Variants in PPP2R5C observed in about 807,000 individuals in gnomAD.
PPP2R5C encodes serine/threonine-protein phosphatase 2A 56 kDa regulatory subunit gamma isoform.
In PPP2R5C, 7 loss-of-function variants were observed where a neutral mutation model predicts 68.9. That is an observed-to-expected ratio of 0.10 (90% CI 0.06 to 0.19). The LOEUF is 0.19. PPP2R5C is among the 10% of genes least tolerant of loss of function. The pLI is 1.00. For synonymous variants in PPP2R5C, 210 were observed against 222.2 expected (o/e 0.95, Z 0.49); for missense variants, 348 against 641.3 (o/e 0.54, Z 4.94).
intron 1 of PPP2R5C, among the ~76,000 whole-genome samples, chr14:101,841,894 C>G (rs756400144): frequency 6.6e-6 from 1 of 152,186 alleles, no homozygotes; most frequent in Non-Finnish European, 1.5e-5. Flanking sequence ...AGCGCCTCCT[C>G]CTTCAGAGAC....
chr14:101,923,846 TA>T (rs2047142750), intron 13 of PPP2R5C, among the ~76,000 whole-genome samples: 1 of 117,996 alleles, frequency 8.5e-6, no homozygotes, highest in African/African-American at 4.0e-5. Context: ...AATTTTTCAT[TA>T]AAGCGAAGGA....
At chr14:101,885,407 T>C (rs1467211823) in intron 5 of PPP2R5C, among the ~76,000 whole-genome samples, 2 of 149,384 alleles carry the variant, frequency 1.3e-5, no homozygotes, top group South Asian at 2.1e-4. Context: ...GCCTCTCCCA[T>C]CCCGTGCCGG....
chr14:101,772,346 A>G (rs1414794527), intron 2 of PPP2R5C, among the ~76,000 whole-genome samples: 1 of 152,038 alleles, frequency 6.6e-6, no homozygotes, highest in African/African-American at 2.4e-5. Context: ...CCTGATACCC[A>G]CACGAGAAAG....
intron 2 of PPP2R5C, among the ~76,000 whole-genome samples, chr14:101,875,022 G>A (rs1303982581): frequency 1.3e-5 from 2 of 152,230 alleles, no homozygotes; most frequent in East Asian, 3.8e-4. Context: ...TTACAGGGGT[G>A]AGCCACCGCG....
intron 1 of PPP2R5C, chr14:101,819,588 T>A (rs2039923879): frequency 6.5e-6 from 1 of 153,222 alleles, no homozygotes; most frequent in South Asian, 2.0e-4. Flanking sequence ...TTTTTAGTTT[T>A]GTTTTTGTTT....
intron 3 of PPP2R5C, among the ~76,000 whole-genome samples, chr14:101,795,065 G>T (rs949142353): frequency 1.3e-5 from 2 of 152,232 alleles, no homozygotes; most frequent in Non-Finnish European, 2.9e-5. Context: ...TAGTGGGAAC[G>T]AGAGGCATGA....
chr14:101,896,636 CAAAA>C (rs34603513), intron 8 of PPP2R5C, among the ~76,000 whole-genome samples: 1 of 110,416 alleles, frequency 9.1e-6, no homozygotes, highest in Non-Finnish European at 1.8e-5. Context: ...ACCCTGTCTC[CAAAA>C]AAAAAAAAAA....
chr14:101,812,808 T>C (rs1356429184), intron 1 of PPP2R5C, among the ~76,000 whole-genome samples: 11 of 152,212 alleles, frequency 7.2e-5, no homozygotes, highest in Non-Finnish European at 1.5e-4. Context: ...TTACCATCCA[T>C]CAGGGTGGGG....
Position 101,906,532 on chromosome 14 carries a change from A to G in PPP2R5C, c.1151+3A>G. 6.3e-7 allele frequency: 1 copy of G among 1,597,270 alleles called. No homozygotes were observed. Among genetic ancestry groups the G allele is most frequent in the Non-Finnish European group, 8.5e-7 (1 of 1,175,030 alleles). On this transcript the variant is annotated splice_donor_region_variant and intron_variant, in intron 10 of 13. Coordinates refer to ENST00000334743, the Ensembl canonical transcript of PPP2R5C. The surrounding 1 kb of genome is among the most constrained non-coding windows in gnomAD (Gnocchi z 4.0). Reference sequence around the variant, plus strand: ...AACTCAAAGACCCATTGGAACAAGTAAGAAAGAACTGGCTGCCATCTTTTT... The same window carrying G: ...AACTCAAAGACCCATTGGAACAAGTGAGAAAGAACTGGCTGCCATCTTTTT...
rs536135891 is a variant in PPP2R5C at position 101,774,420 on chromosome 14, A to G, written c.93+11450A>G. ...TTCTGCAGAGAAGGTGTGTGGGGAT[A>G]AGGTGGCTATGGAGAGATCAGTATT... On this transcript the variant is annotated intron_variant, in intron 2 of 14. Coordinates refer to the PPP2R5C transcript ENST00000328724. Among the ~76,000 whole-genome samples, 3 of 152,300 alleles carry G rather than the reference A, an allele frequency of 2.0e-5. No homozygotes were observed. In the East Asian group the frequency reaches 5.8e-4, roughly 29 times the overall value.
In PPP2R5C at chr14:101,798,883, A is replaced by G. The variant is rs138037314; in HGVS notation, c.259+12700A>G. On this transcript the variant is annotated intron_variant, in intron 3 of 14. Coordinates refer to the PPP2R5C transcript ENST00000328724. ...AGTGGAAGGCATCCACTCCTTAGCA[A>G]GTGCATCATGGGGGACCTGGAATGG... Among the ~76,000 whole-genome samples the G allele has an allele frequency of 2.4e-3, 361 of 152,338 alleles. 3 individuals carry two copies. Among genetic ancestry groups the G allele is most frequent in the Middle Eastern group, 0.014 (4 of 294 alleles).
intron 1 of PPP2R5C, among the ~76,000 whole-genome samples, chr14:101,822,079 G>GCC (rs756270809): frequency 1.7e-4 from 6 of 36,180 alleles, no homozygotes; most frequent in African/African-American, 4.1e-4. Flanking sequence ...ACCACCCCCT[G>GCC]CCCCCCCCCC....
At chr14:101,908,197 C>CT (rs1389228952) in intron 10 of PPP2R5C, among the ~76,000 whole-genome samples, 1 of 152,172 alleles carries the variant, frequency 6.6e-6, no homozygotes, top group Non-Finnish European at 1.5e-5. Context: ...AAGTACCTGG[C>CT]TTATGATAGG....
chr14:101,844,353 C>T (rs982722359), intron 1 of PPP2R5C, among the ~76,000 whole-genome samples: 9 of 152,140 alleles, frequency 5.9e-5, no homozygotes, highest in African/African-American at 1.9e-4. Flanking sequence ...TGGACACACA[C>T]GTGCACACAG....
chr14:101,844,464 C>T (rs1237305745), intron 1 of PPP2R5C, among the ~76,000 whole-genome samples: 2 of 152,182 alleles, frequency 1.3e-5, no homozygotes, highest in Admixed American at 1.3e-4. Context: ...GGCAGCACCG[C>T]AGGGCCCGGT....
At position 101,915,122 on chromosome 14, in the gene PPP2R5C, G is replaced by C. The variant is rs1421081923; in HGVS notation, c.1326+2649G>C. On this transcript the variant is annotated intron_variant, in intron 12 of 13. Transcript: ENST00000334743. The surrounding 1 kb of genome is among the most constrained non-coding windows in gnomAD (Gnocchi z 4.2). Reference sequence around the variant, plus strand: ...GATGGAGTCTTGCTCTGTTACCCAGGCTGGAGTGCAGTGGCGTGATCTCGG... The same window carrying C: ...GATGGAGTCTTGCTCTGTTACCCAGCCTGGAGTGCAGTGGCGTGATCTCGG... 6.6e-6 allele frequency among the ~76,000 whole-genome samples: 1 copy of C among 152,192 alleles called. No homozygotes were observed. The highest frequency in any genetic ancestry group is 1.9e-4 in the East Asian group (1 of 5,196).
At chr14:101,786,268 T>A (rs983316003) in intron 3 of PPP2R5C, 85 bp downstream of exon 3, 20 of 1,270,034 alleles carry the variant, frequency 1.6e-5, no homozygotes, top group Non-Finnish European at 2.1e-5. Context: ...ATTTATTCCT[T>A]TGCTGTGTTT....
intron 5 of PPP2R5C, among the ~76,000 whole-genome samples, chr14:101,887,473 TC>T (rs1397384271): frequency 6.6e-6 from 1 of 152,142 alleles, no homozygotes; most frequent in East Asian, 1.9e-4. Context: ...GGTCCATCAC[TC>T]CTCACGATGC....
At chr14:101,788,446 G>A (rs796539725) in intron 3 of PPP2R5C, among the ~76,000 whole-genome samples, 77 of 152,238 alleles carry the variant, frequency 5.1e-4, no homozygotes, top group African/African-American at 1.6e-3. Context: ...GGTGTGTGCC[G>A]GCCTCTAGCA....
Sources: gnomAD v4.1 joint callset for allele counts (sites outside exome capture counted in the v4.1 genomes callset) on GRCh38, gnomAD v4.1.1 for gene constraint, Gnocchi (gnomAD v3.1) non-coding constraint, MANE v1.5 for transcripts, NCBI Gene and HGNC (gene_info 2026-07-23, HGNC 2026-07-21) for gene names.